PCDHA1: variants seen among roughly 807,000 people sequenced by gnomAD.
PCDHA1 encodes protocadherin alpha 1, also known as protocadherin alpha-1.
Under a neutral mutation model 61.3 loss-of-function variants are expected in PCDHA1, and 42 were observed. The observed-to-expected ratio is 0.69, with a 90% CI of 0.54 to 0.89. The LOEUF is 0.89. Ranked by LOEUF, PCDHA1 falls within the 40% of genes least tolerant of loss-of-function variation. PCDHA1 has a pLI of 0.00. For missense variants in PCDHA1, 1,256 were observed against 1,235.3 expected (o/e 1.02, Z -0.25); for synonymous variants, 610 against 553.8 (o/e 1.10, Z -1.43).
intron 3 of PCDHA1, among the ~76,000 whole-genome samples, chr5:140,984,822 AC>A (rs1398539032): frequency 6.6e-6 from 1 of 152,126 alleles, no homozygotes; most frequent in Non-Finnish European, 1.5e-5. Flanking sequence ...TTTCTTAATT[AC>A]CCTTTCTGTA....
intron 1 of PCDHA1, chr5:140,830,304 C>T (rs2150184699): frequency 6.3e-5 from 101 of 1,613,824 alleles, no homozygotes; most frequent in Non-Finnish European, 8.1e-5. Context: ...GACAAGCCCA[C>T]GCTGGTGTGC....
chr5:140,954,225 A>G (rs1554221300), intron 1 of PCDHA1, among the ~76,000 whole-genome samples: 1 of 152,242 alleles, frequency 6.6e-6, no homozygotes, highest in Admixed American at 6.5e-5. Context: ...TGCTATTGTG[A>G]ATAGTGCTGC....
At chr5:140,967,845 A>T in intron 1 of PCDHA1, 1 of 1,614,160 alleles carries the variant, frequency 6.2e-7, no homozygotes, top group Non-Finnish European at 8.5e-7. Context: ...GACGTGAATG[A>T]CAATGCCCCA....
chr5:140,848,233 T>A lies in PCDHA1; in HGVS notation c.2394+59549T>A. 2 of 410,950 alleles carry A rather than the reference T, an allele frequency of 4.9e-6. 1 individual carries two copies. The allele number at this position is 410,950 out of a possible 1,614,324, so 25.5% of individuals were successfully genotyped here. A position where few individuals can be genotyped will look rare whatever the true frequency, so the allele number is the denominator to read the frequency against. Reference sequence around the variant, plus strand: ...TTAAGAAAAAATTAAGAAAATGAAATAAGTTTTGCAGAATAACTGTGAAAT... The same window carrying A: ...TTAAGAAAAAATTAAGAAAATGAAAAAAGTTTTGCAGAATAACTGTGAAAT... On this transcript the variant is annotated intron_variant, in intron 1 of 3. Transcript: ENST00000504120.
intron 1 of PCDHA1, among the ~76,000 whole-genome samples, chr5:140,894,788 T>C (rs1217718306): frequency 2.0e-5 from 3 of 152,160 alleles, no homozygotes; most frequent in Admixed American, 1.3e-4. Flanking sequence ...TTATTTGTCC[T>C]CTCCTTTAAA....
intron 1 of PCDHA1, among the ~76,000 whole-genome samples, chr5:140,919,389 TG>T (rs2079114384): frequency 6.6e-6 from 1 of 152,242 alleles, no homozygotes; most frequent in African/African-American, 2.4e-5. Context: ...AGTTGGATGT[TG>T]TTTTCCTAAA....
chr5:140,866,445 T>G (rs2049364254), intron 1 of PCDHA1: 1 of 152,140 alleles, frequency 6.6e-6, no homozygotes, highest in South Asian at 2.1e-4. Flanking sequence ...TCTTCAGTCT[T>G]ATTGTTGGCT....
chr5:140,946,807 A>G (rs1333101378), intron 1 of PCDHA1, among the ~76,000 whole-genome samples: 3 of 151,418 alleles, frequency 2.0e-5, no homozygotes, highest in Non-Finnish European at 4.4e-5. Context: ...CAGAGAGTAT[A>G]ACAGTGATTA....
chr5:140,809,378 G>A (rs77547730), intron 1 of PCDHA1: 4 of 1,614,046 alleles, frequency 2.5e-6, no homozygotes, highest in African/African-American at 1.3e-5. Context: ...CACCGAGGGC[G>A]CGTGCGCTCC....
intron 1 of PCDHA1, among the ~76,000 whole-genome samples, chr5:140,961,071 G>GT (rs2095588240): frequency 6.6e-6 from 1 of 152,208 alleles, no homozygotes; most frequent in African/African-American, 2.4e-5. Flanking sequence ...GATATCTGGA[G>GT]TATCAAGTAA....
At chr5:140,971,884 C>A (rs1216931622) in intron 1 of PCDHA1, among the ~76,000 whole-genome samples, 1 of 151,602 alleles carries the variant, frequency 6.6e-6, no homozygotes, top group Admixed American at 6.6e-5. Flanking sequence ...AGGAAATAAG[C>A]TCAGGGAGGT....
chr5:140,813,642 T>G (rs1554126262), intron 1 of PCDHA1: 2 of 152,226 alleles, frequency 1.3e-5, no homozygotes. Context: ...GACATTACTG[T>G]GCACTAATGT....
rs782200079 is a variant in PCDHA1, at chr5:140,809,410, C to A, written c.2394+20726C>A. ...CTCCGGGCAAGCCCACGCTGGTGTG[C>A]TCCAGTGCGGTGGGGAGCTGGTCAT... On this transcript the variant is annotated intron_variant, in intron 1 of 3. Transcript: ENST00000504120. 5.6e-6 allele frequency: 9 copies of A among 1,614,104 alleles called. No individual in the cohort carries two copies. In the Admixed American group the frequency reaches 1.5e-4, roughly 27 times the overall value.
At chr5:140,990,114 A>G (rs1392233617) in intron 3 of PCDHA1, among the ~76,000 whole-genome samples, 9 of 151,936 alleles carry the variant, frequency 5.9e-5, no homozygotes, top group Admixed American at 4.6e-4. Flanking sequence ...GGAAATTGAG[A>G]GCTCTGTAGA....
At chr5:140,836,761 T>C in intron 1 of PCDHA1, 2 of 1,569,180 alleles carry the variant, frequency 1.3e-6, no homozygotes, top group Non-Finnish European at 1.7e-6. Flanking sequence ...TAATCTTGTT[T>C]CCAACAATTT....
At chr5:140,948,708 C>T (rs1376587735) in intron 1 of PCDHA1, among the ~76,000 whole-genome samples, 1 of 151,114 alleles carries the variant, frequency 6.6e-6, no homozygotes, top group Non-Finnish European at 1.5e-5. Flanking sequence ...TGTGTTCTAT[C>T]CTCTTTTTTA....
rs782115498 is a variant in PCDHA1, at chr5:140,856,112, G to C, written c.2394+67428G>C. ...GCTGCTCTCGCTTCTTCTCCTCGCA[G>C]CCTGGGAGGTGGGGAGCGGCCAGCT... On this transcript the variant is annotated intron_variant, in intron 1 of 3. Coordinates refer to ENST00000504120, the MANE Select transcript of PCDHA1 (RefSeq NM_018900.4). The C allele has an allele frequency of 2.5e-6, 4 of 1,598,194 alleles. 1 individual carries two copies. The South Asian group carries it at 4.4e-5, about 18-fold the overall frequency.
In PCDHA1 at chr5:140,858,601, A is replaced by G. The variant is rs7341057; in HGVS notation, c.2394+69917A>G. On this transcript the variant is annotated intron_variant, in intron 1 of 3. Transcript: ENST00000504120. ...TAATATAATTTATTCCAGGAGTTTT[A>G]AAATTTTTTTATCCTACCCAGTGTG... 747 of 1,295,358 alleles carry G rather than the reference A, an allele frequency of 5.8e-4. 36 individuals carry two copies. The African/African-American group carries it at 0.01, about 18-fold the overall frequency. 80.2% of individuals were successfully genotyped at this position (1,295,358 alleles called of 1,614,324 possible).
intron 1 of PCDHA1, among the ~76,000 whole-genome samples, chr5:140,958,381 T>G (rs1554223451): frequency 6.6e-6 from 1 of 152,280 alleles, no homozygotes; most frequent in South Asian, 2.1e-4. Context: ...GCTATTTTCT[T>G]AACAGGTCAT....
Sources: allele counts gnomAD v4.1 joint callset (sites outside exome capture counted in the v4.1 genomes callset), GRCh38; gene constraint gnomAD v4.1.1; transcripts MANE v1.5; gene names NCBI Gene and HGNC (gene_info 2026-07-23, HGNC 2026-07-21).